Variants in SCN8A observed in about 807,000 individuals in gnomAD.
SCN8A encodes the protein sodium voltage-gated channel alpha subunit 8.
SCN8A carries 30 observed loss-of-function variants against 184.1 expected under a neutral mutation model. That is an observed-to-expected ratio of 0.16 (90% CI 0.12 to 0.22). SCN8A has a LOEUF of 0.22. SCN8A is among the 10% of genes least tolerant of loss of function. The probability of loss-of-function intolerance (pLI) is 1.00; values close to 1 mark genes in which losing one functional copy is unlikely to be tolerated. For synonymous variants in SCN8A, 852 were observed against 907.0 expected (o/e 0.94, Z 1.09); for missense variants, 1,057 against 2,498.9 (o/e 0.42, Z 12.30).
chr12:51,772,910 A>T (rs1043279164), intron 19 of SCN8A, among the ~76,000 whole-genome samples: 3 of 151,900 alleles, frequency 2.0e-5, no homozygotes, highest in African/African-American at 7.3e-5. Flanking sequence ...AGGTCAGGAG[A>T]TTGAGACCAT....
chr12:51,741,112 A>G (rs1300002869), intron 12 of SCN8A, among the ~76,000 whole-genome samples: 1 of 152,166 alleles, frequency 6.6e-6, no homozygotes, highest in African/African-American at 2.4e-5. Context: ...AGCTATAATA[A>G]TATTTGCTTT....
chr12:51,752,713 A>T (rs1007508907), intron 14 of SCN8A, among the ~76,000 whole-genome samples: 1 of 152,186 alleles, frequency 6.6e-6, no homozygotes, highest in Non-Finnish European at 1.5e-5. Context: ...ACTGTCCAAG[A>T]AGTCTGCTGA....
chr12:51,789,759 C>T (rs1938190488), intron 24 of SCN8A, among the ~76,000 whole-genome samples: 1 of 152,222 alleles, frequency 6.6e-6, no homozygotes, highest in Non-Finnish European at 1.5e-5. Context: ...GAAGTAGAAA[C>T]TGTCTAGACT....
chr12:51,756,613 A>G (rs1240604495), intron 14 of SCN8A, among the ~76,000 whole-genome samples: 1 of 152,094 alleles, frequency 6.6e-6, no homozygotes, highest in African/African-American at 2.4e-5. Context: ...ACCACTTCCA[A>G]CTGCCCATCC....
chr12:51,701,123 T>G, intron 7 of SCN8A, 21 bp from the exon 8 acceptor site: 1 of 1,593,128 alleles, frequency 6.3e-7, no homozygotes, highest in Non-Finnish European at 8.6e-7. Context: ...GTTCATTTCC[T>G]GCCTCTTCAA....
Position 51,786,547 on chromosome 12 carries a change from G to A in SCN8A, c.3948G>A (p.Val1316=). ...AACCTCCCCTTCCAATGCAGGTGGT[G>A]GTGAATGCCTTGGTGGGCGCCATCC... The part of the protein sequence containing the change: ...ALSRFEGMRV[V]VNALVGAIPS... Residue 1316 remains valine, a synonymous_variant, in exon 22 of 27, where the codon GTG becomes GTA. Coordinates refer to ENST00000627620, the MANE Select transcript of SCN8A (RefSeq NM_001330260.2). 1 of 1,614,122 alleles carries A rather than the reference G, an allele frequency of 6.2e-7. No individual in the cohort carries two copies. The highest frequency in any genetic ancestry group is 8.5e-7 in the Non-Finnish European group (1 of 1,180,002).
chr12:51,765,078 A>G (rs1942817696), intron 15 of SCN8A, among the ~76,000 whole-genome samples: 1 of 152,106 alleles, frequency 6.6e-6, no homozygotes, highest in South Asian at 2.1e-4. Context: ...CCTGGCCAGT[A>G]TAGGCTCTTT....
At chr12:51,764,844 G>A (rs1354296243) in intron 15 of SCN8A, among the ~76,000 whole-genome samples, 1 of 144,056 alleles carries the variant, frequency 6.9e-6, no homozygotes, top group Admixed American at 7.0e-5. Flanking sequence ...GTGTGATCTC[G>A]GCTCACCTCA....
Position 51,746,028 on chromosome 12 carries a change from A to C in SCN8A, c.2124A>C (p.Leu708=). 1 of 1,605,808 alleles carries C rather than the reference A, an allele frequency of 6.2e-7. No individual in the cohort carries two copies. The highest frequency in any genetic ancestry group is 1.1e-5 in the South Asian group (1 of 88,664). The change falls in exon 13 of 27, where the codon CTA becomes CTC. Residue 708 remains leucine (L), a synonymous_variant. Transcript: ENST00000627620. ...NSIMSVVTNT[L]VEELEESQRK... Reference sequence around the variant, plus strand: ...TAATGAGTGTTGTTACAAATACACTAGTAGAAGGTATGTGCCCTATAATGT... The same window carrying C: ...TAATGAGTGTTGTTACAAATACACTCGTAGAAGGTATGTGCCCTATAATGT...
At chr12:51,638,417 G>A (rs777865365) in intron 1 of SCN8A, among the ~76,000 whole-genome samples, 17 of 152,060 alleles carry the variant, frequency 1.1e-4, no homozygotes, top group Middle Eastern at 6.8e-3. Context: ...TCTACAAGCC[G>A]TAAGAATATC....
In SCN8A at chr12:51,706,513, C is replaced by T. The variant is rs1454051957; in HGVS notation, c.1433C>T (p.Ser478Phe). 2.5e-6 allele frequency: 4 copies of T among 1,605,196 alleles called. No homozygotes were observed. Among genetic ancestry groups the T allele is most frequent in the Non-Finnish European group, 3.4e-6 (4 of 1,175,870 alleles). Residue 478 changes from serine (S) to phenylalanine (F), a missense_variant, in exon 11 of 27, where the codon TCT becomes TTT. Physicochemically the swap from Ser to Phe is radical, Grantham distance 155. Around this residue, in one of 19 missense-constraint regions of SCN8A, gnomAD observed 322 missense variants for 390.1 expected, o/e 0.83. Coordinates refer to ENST00000627620, the MANE Select transcript of SCN8A (RefSeq NM_001330260.2). ...GGAGGGGGCTCCCCTCGGAGCTCTT[C>T]TGAAATCTCTAAACTCAGCTCAAAG... Reference protein sequence around the residue: ...EEGGGSPRSSSEISKLSSKSA... With the variant: ...EEGGGSPRSSFEISKLSSKSA...
At chr12:51,767,376 G>A (rs1942854786) in intron 16 of SCN8A, among the ~76,000 whole-genome samples, 1 of 152,174 alleles carries the variant, frequency 6.6e-6, no homozygotes, top group African/African-American at 2.4e-5. Context: ...CCTTTGCTCA[G>A]TAGTCCTTCT....
intron 1 of SCN8A, among the ~76,000 whole-genome samples, chr12:51,653,272 A>G (rs1200775086): frequency 1.3e-5 from 2 of 152,196 alleles, no homozygotes; most frequent in Admixed American, 1.3e-4. Context: ...GTGAGCCGAG[A>G]TCATTTATAA....
At chr12:51,601,424 C>G (rs547924348) in intron 1 of SCN8A, among the ~76,000 whole-genome samples, 1 of 150,076 alleles carries the variant, frequency 6.7e-6, no homozygotes. Context: ...ATGAATGTTT[C>G]ACTTACCTAA....
At chr12:51,734,229 C>T (rs113683555) in intron 12 of SCN8A, among the ~76,000 whole-genome samples, 3,375 of 152,176 alleles carry the variant, frequency 0.022, 42 homozygotes, top group Non-Finnish European at 0.033. Flanking sequence ...GAGACCCTAA[C>T]CCAGTGGCGC....
chr12:51,789,986 G>A (rs1938194749), intron 24 of SCN8A, among the ~76,000 whole-genome samples: 1 of 152,158 alleles, frequency 6.6e-6, no homozygotes, highest in African/African-American at 2.4e-5. Context: ...CAAATTTTGG[G>A]TATCATCTAA....
chr12:51,785,774 T>A (rs1938067935), intron 21 of SCN8A, among the ~76,000 whole-genome samples: 1 of 152,144 alleles, frequency 6.6e-6, no homozygotes, highest in Non-Finnish European at 1.5e-5. Context: ...TTAAAAACCT[T>A]AAGTCATCCC....
intron 2 of SCN8A, among the ~76,000 whole-genome samples, chr12:51,671,578 A>G (rs6580841): frequency 0.75 from 113,604 of 152,116 alleles, 44,175 homozygotes; most frequent in East Asian, 0.86. Context: ...GAATGGGACT[A>G]TTTAATAATG....
chr12:51,713,573 A>G (rs1941917054), intron 11 of SCN8A: 2 of 707,592 alleles, frequency 2.8e-6, no homozygotes, highest in Admixed American at 4.1e-5. Flanking sequence ...CTGGAGTCGG[A>G]CTGGGGGCGA....
Sources: allele counts gnomAD v4.1 joint callset (sites outside exome capture counted in the v4.1 genomes callset), GRCh38; gene constraint gnomAD v4.1.1; regional missense constraint gnomAD v4.1.1; transcripts MANE v1.5; gene names NCBI Gene and HGNC (gene_info 2026-07-23, HGNC 2026-07-21).